The following CRYZL1 variants were observed in gnomAD, a reference collection of about 807,000 sequenced individuals.
CRYZL1 encodes the protein crystallin zeta like 1, also known as ferry endosomal RAB5 effector complex subunit 4.
Under a neutral mutation model 50.6 loss-of-function variants are expected in CRYZL1, and 34 were observed. The ratio of observed to expected loss-of-function variants is 0.67; its 90% CI spans 0.51 to 0.89. The LOEUF (loss-of-function observed/expected upper bound fraction) is 0.89, where lower values mean the gene tolerates loss of function less well. Among genes scored for constraint, CRYZL1 ranks in the 40% least tolerant of loss-of-function variants. CRYZL1 has a pLI of 0.00. For missense variants in CRYZL1, 354 were observed against 402.3 expected (o/e 0.88, Z 1.03); for synonymous variants, 125 against 134.3 (o/e 0.93, Z 0.48).
chr21:33,610,738 T>C (rs1330829420), intron 6 of CRYZL1, among the ~76,000 whole-genome samples: 1 of 144,896 alleles, frequency 6.9e-6, no homozygotes, highest in Non-Finnish European at 1.5e-5. Flanking sequence ...TTTTTTTTTT[T>C]TTTTTTTTTT....
chr21:33,601,501 A>G (rs1424826456), intron 8 of CRYZL1, among the ~76,000 whole-genome samples: 1 of 152,198 alleles, frequency 6.6e-6, no homozygotes, highest in Non-Finnish European at 1.5e-5. Context: ...AGGTGTTTCT[A>G]AACTGCATCA....
rs144580147 is a variant in CRYZL1 at position 33,591,359 on chromosome 21, G to T, written c.905-152C>A. 5.8e-4 allele frequency: 382 copies of T among 655,498 alleles called. 3 individuals carry two copies. Among genetic ancestry groups the T allele is most frequent in the African/African-American group, 4.4e-3 (241 of 55,208 alleles). 40.6% of individuals were successfully genotyped at this position (655,498 alleles called of 1,614,324 possible). ...TTAAGTTAGAGAAATTCTGTAGGAC[G>T]TCAAGTTTAGCTCTACAACAGGGAA... On this transcript the variant is annotated intron_variant, in intron 11 of 12. Transcript: ENST00000381554.
intron 6 of CRYZL1, among the ~76,000 whole-genome samples, chr21:33,607,974 A>T (rs1569085985): frequency 1.3e-5 from 2 of 152,210 alleles, no homozygotes; most frequent in Admixed American, 6.5e-5. Context: ...ATGGGGCACA[A>T]AATGATGCTA....
At chr21:33,620,895 G>C (rs138006649) in intron 4 of CRYZL1, among the ~76,000 whole-genome samples, 1 of 138,288 alleles carries the variant, frequency 7.2e-6, no homozygotes, top group Non-Finnish European at 1.5e-5. Flanking sequence ...GACCAGGGGT[G>C]TCCAATCTTT....
At position 33,627,946 on chromosome 21, in the gene CRYZL1, C is replaced by T. The variant is rs574590292; in HGVS notation, c.67-3186G>A. 1.6e-4 allele frequency among the ~76,000 whole-genome samples: 24 copies of T among 152,018 alleles called. No homozygotes were observed. In the South Asian group the frequency reaches 3.3e-3, roughly 21 times the overall value. Reference sequence around the variant, plus strand: ...ATTTTTAGTAGAGACAGGGTTTCACCGTGTTAGCCAGGACGGTCTCGATCT... The same window carrying T: ...ATTTTTAGTAGAGACAGGGTTTCACTGTGTTAGCCAGGACGGTCTCGATCT... On this transcript the variant is annotated intron_variant, in intron 2 of 12. Transcript: ENST00000381554.
intron 11 of CRYZL1, 60 bp downstream of exon 11, chr21:33,595,671 A>G: frequency 6.2e-7 from 1 of 1,603,234 alleles, no homozygotes; most frequent in Non-Finnish European, 8.5e-7. Context: ...ATCGTAATGA[A>G]AGAACTTAGT....
chr21:33,620,161 AGAGT>A (rs1276836135), intron 4 of CRYZL1, among the ~76,000 whole-genome samples: 2 of 152,248 alleles, frequency 1.3e-5, no homozygotes, highest in East Asian at 3.8e-4. Context: ...AAGATTACAT[AGAGT>A]ATCAAATCTA....
chr21:33,589,659 A>G lies in CRYZL1; in HGVS notation c.*163T>C, dbSNP rs1046312. 3.5e-6 allele frequency: 2 copies of G among 564,752 alleles called. No individual in the cohort carries two copies. Among genetic ancestry groups the G allele is most frequent in the Non-Finnish European group, 3.2e-6 (1 of 311,696 alleles). The allele number at this position is 564,752 out of a possible 1,614,324, so 35.0% of individuals were successfully genotyped here. ...TCATTTGCACAAGAATTTTTCAAAC[A>G]CTTTTCAAATGTGTCAACTGAGCAT... On this transcript the variant is annotated 3_prime_UTR_variant, in exon 13 of 13. Coordinates refer to ENST00000381554, the MANE Select transcript of CRYZL1 (RefSeq NM_145858.3).
intron 6 of CRYZL1, among the ~76,000 whole-genome samples, chr21:33,608,508 T>C (rs923481412): frequency 1.3e-5 from 2 of 152,186 alleles, no homozygotes; most frequent in African/African-American, 4.8e-5. Context: ...TGAGATTTTA[T>C]ACCCTTTGTC....
At chr21:33,641,079 T>TA (rs2087306737) in intron 1 of CRYZL1, 2 of 1,517,160 alleles carry the variant, frequency 1.3e-6, no homozygotes, top group East Asian at 2.5e-5. Flanking sequence ...AGAGTTCAGG[T>TA]AAAACCTTTC....
At chr21:33,638,435 G>A (rs144385359) in intron 1 of CRYZL1, among the ~76,000 whole-genome samples, 47 of 152,206 alleles carry the variant, frequency 3.1e-4, no homozygotes, top group Admixed American at 1.8e-3. Flanking sequence ...GGCTGGTCTC[G>A]AACTCCTGAC....
chr21:33,631,699 C>A (rs898073936), intron 1 of CRYZL1, 142 bp from the exon 2 acceptor site: 14 of 454,858 alleles, frequency 3.1e-5, no homozygotes, highest in South Asian at 1.1e-4. Flanking sequence ...AAAAATCTTT[C>A]ACAAAGTGAT....
chr21:33,623,395 G>A (rs1284358204), intron 3 of CRYZL1, among the ~76,000 whole-genome samples: 3 of 152,152 alleles, frequency 2.0e-5, no homozygotes, highest in Non-Finnish European at 4.4e-5. Flanking sequence ...ATGCTTAACA[G>A]ATGTGCAATA....
chr21:33,617,506 T>C (rs1008812590), intron 4 of CRYZL1, among the ~76,000 whole-genome samples: 7 of 152,166 alleles, frequency 4.6e-5, no homozygotes, highest in African/African-American at 1.7e-4. Context: ...CTTCAGACAC[T>C]GAGTTAAAGA....
At chr21:33,641,424 AAAG>A in intron 1 of CRYZL1, 1 of 1,251,416 alleles carries the variant, frequency 8.0e-7, no homozygotes, top group Non-Finnish European at 1.1e-6. Context: ...TGCCTCCATA[AAAG>A]TAGAGGGAGA....
Position 33,621,980 on chromosome 21 carries a change from A to C in CRYZL1, c.217+16T>G. On this transcript the variant is annotated intron_variant, in intron 4 of 12. Transcript: ENST00000381554. ...CCTTAGAAAATAAATACATATACTC[A>C]CATCTGTATACTTACCATCTAATAC... The C allele has an allele frequency of 6.5e-7, 1 of 1,542,338 alleles. No individual in the cohort carries two copies. Among genetic ancestry groups the C allele is most frequent in the East Asian group, 2.3e-5 (1 of 44,234 alleles).
chr21:33,606,689 C>A (rs918755290), intron 6 of CRYZL1, among the ~76,000 whole-genome samples: 1 of 151,506 alleles, frequency 6.6e-6, no homozygotes, highest in African/African-American at 2.4e-5. Context: ...TGTTGGGGGT[C>A]CACAGGTGTT....
intron 10 of CRYZL1, 66 bp downstream of exon 10, chr21:33,597,214 G>A: frequency 1.3e-6 from 2 of 1,494,880 alleles, no homozygotes; most frequent in Non-Finnish European, 1.9e-6. Context: ...AAATAACTTA[G>A]GCATTATTGT....
At chr21:33,640,163 CCT>C in intron 1 of CRYZL1, 1 of 1,548,568 alleles carries the variant, frequency 6.5e-7, no homozygotes. Context: ...ATAAAACTCT[CCT>C]GAGCTCAATG....
Sources: gnomAD v4.1 joint callset for allele counts (sites outside exome capture counted in the v4.1 genomes callset) on GRCh38, gnomAD v4.1.1 for gene constraint, MANE v1.5 for transcripts, NCBI Gene and HGNC (gene_info 2026-07-23, HGNC 2026-07-21) for gene names.